FGF13: variants seen among roughly 807,000 people sequenced by gnomAD.
FGF13 encodes the protein fibroblast growth factor 13.
FGF13 carries 2 observed loss-of-function variants against 19.5 expected under a neutral mutation model. The ratio of observed to expected loss-of-function variants is 0.10; its 90% confidence interval spans 0.04 to 0.32. The LOEUF is 0.32. Among genes scored for constraint, FGF13 ranks in the 10% least tolerant of loss-of-function variants. FGF13 has a pLI of 1.00. For synonymous variants in FGF13, 72 were observed against 76.9 expected (o/e 0.94, Z 0.33); for missense variants, 113 against 192.7 (o/e 0.59, Z 2.45).
rs140035402 is a variant in FGF13, at chrX:138,834,777, C to T, written c.217+22735G>A. Among the ~76,000 whole-genome samples the T allele has an allele frequency of 1.2e-3, 133 of 110,818 alleles. 2 individuals carry two copies. In the East Asian group the frequency reaches 0.013, roughly 11 times the overall value. Reference sequence around the variant, plus strand: ...CTGTTAACTAGAGATCTTTGTATCACTCTGATGTGGACATCTAATGCTATA... The same window carrying T: ...CTGTTAACTAGAGATCTTTGTATCATTCTGATGTGGACATCTAATGCTATA... On this transcript the variant is annotated intron_variant, in intron 3 of 6. Transcript: ENST00000436198.
At chrX:138,853,609 G>T (rs1007078310), downstream of FGF13, among the ~76,000 whole-genome samples, 4 of 82,095 alleles carry the variant, frequency 4.9e-5, no homozygotes, top group Non-Finnish European at 9.9e-5. Context: ...ATGTGTGTGT[G>T]TGTGCGTGTG....
chrX:138,795,686 C>T (rs2090772899), intron 3 of FGF13, among the ~76,000 whole-genome samples: 1 of 111,491 alleles, frequency 9.0e-6, no homozygotes, highest in Admixed American at 9.6e-5. Flanking sequence ...AATCAGGATA[C>T]TTTTGAAGAT....
intron 1 of FGF13, among the ~76,000 whole-genome samples, chrX:138,967,094 T>A (rs1030601704): frequency 1.8e-5 from 2 of 110,860 alleles, no homozygotes; most frequent in Non-Finnish European, 3.8e-5. Context: ...GGTATGTCCT[T>A]ATAGCAGCCT....
intron 3 of FGF13, among the ~76,000 whole-genome samples, chrX:138,799,736 G>T (rs1417388452): frequency 9.0e-6 from 1 of 111,179 alleles, no homozygotes; most frequent in Non-Finnish European, 1.9e-5. Flanking sequence ...ATGAAAGTGG[G>T]TGTGTATATA....
rs1255199571 is a variant in FGF13 at position 138,703,085 on chromosome X, G to C, written c.301C>G (p.Leu101Val). The change falls in exon 3 of 5, where the codon CTG becomes GTG. Residue 101 changes from leucine (L) to valine (V), a missense_variant and splice_region_variant. By Grantham distance (32) the Leu-to-Val change is conservative (BLOSUM62 1). Coordinates refer to ENST00000315930, the MANE Select transcript of FGF13 (RefSeq NM_004114.5). ...AGACCCACAGGGATGAGGTTAAACA[G>C]AGCTGAAATTAAAAAAGAAAATGAA... ...GTKDEDSTYT[L>V]FNLIPVGLRV... 1.1e-5 allele frequency: 13 copies of C among 1,183,899 alleles called. No homozygotes were observed. The highest frequency in any genetic ancestry group is 1.5e-5 in the Non-Finnish European group (13 of 870,724).
chrX:138,955,173 C>A (rs2091834703), intron 1 of FGF13, among the ~76,000 whole-genome samples: 1 of 113,071 alleles, frequency 8.8e-6, no homozygotes, highest in Admixed American at 9.3e-5. Flanking sequence ...GGTCCTGAGT[C>A]AGCATAAAGA....
At chrX:139,176,839 C>T (rs1050900591) in intron 1 of FGF13, among the ~76,000 whole-genome samples, 2 of 111,107 alleles carry the variant, frequency 1.8e-5, no homozygotes, top group Non-Finnish European at 3.8e-5. Context: ...ATTATGTGAT[C>T]GATTTTAGAA....
intron 1 of FGF13, among the ~76,000 whole-genome samples, chrX:138,728,231 G>A (rs2090200919): frequency 9.0e-6 from 1 of 111,293 alleles, no homozygotes; most frequent in Non-Finnish European, 1.9e-5. Flanking sequence ...TGGTTCTCCA[G>A]AGTTTCAGAG....
At chrX:139,149,469 T>C (rs2083915829) in intron 1 of FGF13, among the ~76,000 whole-genome samples, 1 of 112,405 alleles carries the variant, frequency 8.9e-6, no homozygotes, top group Non-Finnish European at 1.9e-5. Context: ...TGATATTATC[T>C]CTTACTAAAG....
rs2088963753 is a variant in FGF13 at position 138,615,873 on chromosome X, A to T, written c.*16977T>A. ...GGTGGCAGGAGAGAGAATGAGTGCC[A>T]GCAGGGGAAATGCCAGATGCTTATA... On this transcript the variant is annotated 3_prime_UTR_variant, in exon 5 of 5. Transcript: ENST00000315930. 9.0e-6 allele frequency: 1 copy of T among 111,728 alleles called. No homozygotes were observed. The highest frequency in any genetic ancestry group is 3.8e-4 in the South Asian group (1 of 2,632). 9.2% of individuals were successfully genotyped at this position (111,728 alleles called of 1,213,427 possible). A position where few individuals can be genotyped will look rare whatever the true frequency, so the allele number is the denominator to read the frequency against.
intron 3 of FGF13, among the ~76,000 whole-genome samples, chrX:138,823,311 AG>A (rs1200920700): frequency 9.0e-6 from 1 of 111,293 alleles, no homozygotes; most frequent in Non-Finnish European, 1.9e-5. Flanking sequence ...AGTGCATGAT[AG>A]GGTGGGGCCA....
intron 3 of FGF13, among the ~76,000 whole-genome samples, chrX:138,851,444 A>C (rs181831791): frequency 8.9e-6 from 1 of 111,961 alleles, no homozygotes; most frequent in Non-Finnish European, 1.9e-5. Context: ...GACTGGCATG[A>C]GATGGTACCT....
At chrX:138,846,072 G>A (rs1286631829) in intron 3 of FGF13, among the ~76,000 whole-genome samples, 1 of 110,904 alleles carries the variant, frequency 9.0e-6, no homozygotes, top group Non-Finnish European at 1.9e-5. Flanking sequence ...GCTTTGTTGG[G>A]CTGGATGTAT....
intron 3 of FGF13, among the ~76,000 whole-genome samples, chrX:138,813,461 A>G (rs1327902045): frequency 1.8e-5 from 2 of 111,743 alleles, no homozygotes. Flanking sequence ...CTTTACTAGG[A>G]AATCCAAGTT....
At chrX:139,199,034 AAACT>A (rs1413575907) in intron 1 of FGF13, among the ~76,000 whole-genome samples, 2 of 112,702 alleles carry the variant, frequency 1.8e-5, no homozygotes, top group Non-Finnish European at 3.7e-5. Flanking sequence ...AAGTTGATGA[AAACT>A]AACTAAGATG....
intron 1 of FGF13, among the ~76,000 whole-genome samples, chrX:139,054,403 G>A (rs1458801163): frequency 2.7e-5 from 3 of 111,056 alleles, no homozygotes; most frequent in Non-Finnish European, 5.7e-5. Context: ...GATTACAGGC[G>A]TGAGCCACCG....
At chrX:139,195,960 A>T (rs1028562674) in intron 1 of FGF13, among the ~76,000 whole-genome samples, 3 of 111,841 alleles carry the variant, frequency 2.7e-5, no homozygotes, top group African/African-American at 9.8e-5. Context: ...CAAAGGAAAA[A>T]ATCCAGAAAT....
intron 1 of FGF13, among the ~76,000 whole-genome samples, chrX:139,099,581 T>C (rs1404582262): frequency 9.1e-6 from 1 of 110,050 alleles, no homozygotes; most frequent in Non-Finnish European, 1.9e-5. Context: ...TTTATGTTAC[T>C]GTCCTCTCCC....
At chrX:138,902,497 A>C (rs922130412) in intron 1 of FGF13, among the ~76,000 whole-genome samples, 1 of 111,981 alleles carries the variant, frequency 8.9e-6, no homozygotes, top group East Asian at 2.8e-4. Context: ...ATACTCTCAC[A>C]GTCTCATTTT....
Sources: gnomAD v4.1 joint callset for allele counts (sites outside exome capture counted in the v4.1 genomes callset) on GRCh38, gnomAD v4.1.1 for gene constraint, MANE v1.5 for transcripts, NCBI Gene and HGNC (gene_info 2026-07-23, HGNC 2026-07-21) for gene names.